PKP4: variants seen among roughly 807,000 people sequenced by gnomAD.
The protein encoded by PKP4 is plakophilin 4.
A neutral mutation model predicts 145.1 loss-of-function variants in PKP4; 90 were observed. That is an observed-to-expected ratio of 0.62 (90% CI 0.52 to 0.74). The LOEUF is 0.74. Among genes scored for constraint, PKP4 ranks in the 30% least tolerant of loss-of-function variants. PKP4 has a pLI of 0.00. For missense variants in PKP4, 1,340 were observed against 1,482.7 expected, an observed-to-expected ratio of 0.90 and a Z score of 1.58; for synonymous variants, 563 against 577.2, an observed-to-expected ratio of 0.98 and a Z score of 0.35.
intron 1 of PKP4, among the ~76,000 whole-genome samples, chr2:158,519,264 AG>A (rs1274364164): frequency 6.6e-6 from 1 of 151,976 alleles, no homozygotes; most frequent in African/African-American, 2.4e-5. Context: ...TTTATCCTGT[AG>A]CTTTTTCTTC....
At chr2:158,591,542 T>G (rs2049278283) in intron 3 of PKP4, among the ~76,000 whole-genome samples, 1 of 152,038 alleles carries the variant, frequency 6.6e-6, no homozygotes, top group Non-Finnish European at 1.5e-5. Context: ...GTTATACTGT[T>G]TTTTATTGTA....
At position 158,640,629 on chromosome 2, in the gene PKP4, A is replaced by G; in HGVS notation, c.1565A>G (p.Glu522Gly). ...SIDSIQKDPR[E>G]FAWRDPELPE... is the part of the protein sequence containing the mutation. ...GAAGCCATGTTTTTCTCATGTAGGGAGTTTGCCTGGCGTGATCCTGAGTTG... is the reference window on the plus strand; with the variant it reads ...GAAGCCATGTTTTTCTCATGTAGGGGGTTTGCCTGGCGTGATCCTGAGTTG... Residue 522 changes from glutamate to glycine, a missense_variant and splice_region_variant, in exon 10 of 22, where the codon GAG (glutamate) becomes GGG (glycine). Glu to Gly is a moderately conservative substitution (Grantham distance 98). Coordinates refer to ENST00000389759, the MANE Select transcript of PKP4 (RefSeq NM_003628.6). The G allele has an allele frequency of 6.2e-7, 1 of 1,612,562 alleles. No homozygotes were observed. Among genetic ancestry groups the G allele is most frequent in the Non-Finnish European group, 8.5e-7 (1 of 1,179,812 alleles).
chr2:158,654,892 A>C (rs965007362), intron 11 of PKP4, among the ~76,000 whole-genome samples: 1 of 152,216 alleles, frequency 6.6e-6, no homozygotes. Flanking sequence ...TGTGTCCTGC[A>C]TATGTGTCAC....
At chr2:158,521,057 C>G (rs916887655) in intron 1 of PKP4, among the ~76,000 whole-genome samples, 1 of 152,196 alleles carries the variant, frequency 6.6e-6, no homozygotes, top group African/African-American at 2.4e-5. Context: ...ATTTCTGTAA[C>G]TCTCCAGATG....
At chr2:158,578,638 T>C (rs1296360365) in intron 3 of PKP4, among the ~76,000 whole-genome samples, 1 of 152,160 alleles carries the variant, frequency 6.6e-6, no homozygotes, top group Non-Finnish European at 1.5e-5. Context: ...CTAAAAGGTA[T>C]GAACCAACTG....
At chr2:158,523,334 AG>A (rs1197138286) in intron 1 of PKP4, among the ~76,000 whole-genome samples, 4 of 84,724 alleles carry the variant, frequency 4.7e-5, no homozygotes, top group African/African-American at 9.9e-5. Context: ...CTGACCCCCG[AG>A]CAGCCTAACC....
At chr2:158,629,537 A>G (rs79005924) in intron 7 of PKP4, among the ~76,000 whole-genome samples, 1 of 152,080 alleles carries the variant, frequency 6.6e-6, no homozygotes, top group African/African-American at 2.4e-5. Context: ...TGATTCGTTT[A>G]GTTTCTTTCC....
At chr2:158,671,490 C>G (rs1217319803) in intron 17 of PKP4, among the ~76,000 whole-genome samples, 1 of 152,160 alleles carries the variant, frequency 6.6e-6, no homozygotes. Context: ...AGATGCTGAG[C>G]CAGTGCCAGA....
chr2:158,638,633 G>A (rs879316892), intron 9 of PKP4, among the ~76,000 whole-genome samples: 21 of 152,178 alleles, frequency 1.4e-4, no homozygotes, highest in Admixed American at 2.6e-4. Context: ...AGAATGGATT[G>A]GGGGTGCAGG....
intron 11 of PKP4, among the ~76,000 whole-genome samples, chr2:158,654,259 G>A (rs866182273): frequency 1.3e-5 from 2 of 152,184 alleles, no homozygotes; most frequent in Non-Finnish European, 2.9e-5. Context: ...GGGTGATAAA[G>A]CTGCCTTTTG....
At chr2:158,657,422 C>T (rs542107377) in intron 11 of PKP4, among the ~76,000 whole-genome samples, 4 of 152,218 alleles carry the variant, frequency 2.6e-5, no homozygotes, top group East Asian at 1.9e-4. Context: ...ACAATACAGG[C>T]GATTCTTAAT....
intron 1 of PKP4, among the ~76,000 whole-genome samples, chr2:158,506,110 T>C (rs1361443059): frequency 1.3e-5 from 2 of 152,254 alleles, no homozygotes; most frequent in South Asian, 4.1e-4. Flanking sequence ...CTGCGTTTCC[T>C]TCAGAATTGT....
Position 158,643,476 on chromosome 2 carries a change from C to T in PKP4, c.1909+777C>T, listed in dbSNP as rs142238511. Among the ~76,000 whole-genome samples, 634 of 152,004 alleles carry T rather than the reference C, an allele frequency of 4.2e-3. 3 individuals are homozygous for T. The highest frequency in any genetic ancestry group is 0.014 in the Middle Eastern group (4 of 294). The stretch of plus-strand genomic sequence containing the variant: ...CTGTAATCGCAACACTTTGGGAGAC[C>T]GAGGCAAGAGGGTCACTTGAGGCCA... On this transcript the variant is annotated intron_variant, in intron 11 of 21. Transcript: ENST00000389759.
intron 3 of PKP4, among the ~76,000 whole-genome samples, chr2:158,602,089 G>A (rs17421757): frequency 0.087 from 13,308 of 152,124 alleles, 757 homozygotes; most frequent in Middle Eastern, 0.17. Context: ...CTGTACTCAG[G>A]GATATAACTG....
rs74790993 is a variant in PKP4 at position 158,578,187 on chromosome 2, G to T, written c.245+804G>T. 5.3e-3 allele frequency: 1,300 copies of T among 243,552 alleles called. 21 individuals are homozygous for T. The highest frequency in any genetic ancestry group is 0.029 in the African/African-American group (1,226 of 42,754). 15.1% of individuals were successfully genotyped at this position (243,552 alleles called of 1,614,324 possible). ...TTTTCAGTATCTTGTGTTACTCATG[G>T]GCAAAAAAACTTCTTAGTGAATAGA... On this transcript the variant is annotated intron_variant, in intron 3 of 21. Coordinates refer to ENST00000389759, the MANE Select transcript of PKP4 (RefSeq NM_003628.6).
chr2:158,538,116 C>T (rs2044215733), intron 2 of PKP4, among the ~76,000 whole-genome samples: 2 of 152,184 alleles, frequency 1.3e-5, no homozygotes, highest in Admixed American at 1.3e-4. Context: ...ATGCACAGCA[C>T]ACCCTTGGAT....
chr2:158,665,129 G>A (rs2105989320), intron 15 of PKP4, among the ~76,000 whole-genome samples: 1 of 152,324 alleles, frequency 6.6e-6, no homozygotes, highest in East Asian at 1.9e-4. Flanking sequence ...GGCCACAGAT[G>A]TTATCAAGTA....
intron 1 of PKP4, among the ~76,000 whole-genome samples, chr2:158,464,349 A>G (rs556702546): frequency 1.3e-5 from 2 of 152,342 alleles, no homozygotes; most frequent in East Asian, 3.9e-4. Flanking sequence ...GTGTTCAGAA[A>G]TTGTGGCAGA....
intron 2 of PKP4, among the ~76,000 whole-genome samples, chr2:158,557,789 T>C (rs1434270087): frequency 6.6e-6 from 1 of 152,186 alleles, no homozygotes; most frequent in Non-Finnish European, 1.5e-5. Flanking sequence ...TACGTTTGTG[T>C]GTGGAAGGTG....
Sources: gnomAD v4.1 joint callset for allele counts (sites outside exome capture counted in the v4.1 genomes callset) on GRCh38, gnomAD v4.1.1 for gene constraint, MANE v1.5 for transcripts, NCBI Gene and HGNC (gene_info 2026-07-23, HGNC 2026-07-21) for gene names.